The following CKAP2L variants were observed in gnomAD, a reference collection of about 807,000 sequenced individuals.
The protein encoded by CKAP2L is cytoskeleton-associated protein 2-like.
Under a neutral mutation model 65.7 loss-of-function variants are expected in CKAP2L, and 42 were observed. The observed-to-expected ratio is 0.64, with a 90% CI of 0.50 to 0.83. The LOEUF is 0.83. CKAP2L is among the 40% of genes least tolerant of loss of function. CKAP2L has a pLI of 0.00. For synonymous variants in CKAP2L, 325 were observed against 313.5 expected, an observed-to-expected ratio of 1.04 and a Z score of -0.39; for missense variants, 908 against 871.0, an observed-to-expected ratio of 1.04 and a Z score of -0.53.
intron 4 of CKAP2L, 43 bp downstream of exon 4, chr2:112,755,934 T>A (rs772563617): frequency 2.8e-5 from 42 of 1,514,072 alleles, no homozygotes; most frequent in Non-Finnish European, 5.3e-6. Flanking sequence ...TCAATTTGCC[T>A]AATCATCTTA....
At chr2:112,761,128 C>T (rs779922083) in intron 2 of CKAP2L, among the ~76,000 whole-genome samples, 2 of 151,974 alleles carry the variant, frequency 1.3e-5, no homozygotes, top group South Asian at 4.1e-4. Flanking sequence ...TGCCAGACAC[C>T]GAAGACACAA....
chr2:112,756,416 GTA>G lies in CKAP2L; in HGVS notation c.953_954del (p.Ile318ThrfsTer7). ...CTCTGTTCAGTAACAGGGTATGACC[GTA>G]TCTTAGTTTCATTTGGTCTTTCATA... ...SQYERPNETKIRSYPVTEQRV... is the reference protein window; with the variant it reads ...SQYERPNETKXRSYPVTEQRV... On this transcript the variant is annotated frameshift_variant, in exon 4 of 9. Transcript: ENST00000302450. LOFTEE classifies it high-confidence loss of function. 6.2e-7 allele frequency: 1 copy of G among 1,613,856 alleles called. No individual in the cohort carries two copies. Among genetic ancestry groups the G allele is most frequent in the Non-Finnish European group, 8.5e-7 (1 of 1,179,878 alleles).
chr2:112,764,450 TAGGC>T (rs917701535), intron 1 of CKAP2L, 108 bp downstream of exon 1: 20 of 1,213,388 alleles, frequency 1.6e-5, no homozygotes, highest in African/African-American at 4.5e-5. Context: ...AGGGGAAACT[TAGGC>T]AGGCGAGCGG....
Position 112,746,484 on chromosome 2 carries a change from A to T in CKAP2L, c.1694T>A (p.Leu565Ter). 2 of 1,613,430 alleles carry T rather than the reference A, an allele frequency of 1.2e-6. No homozygotes were observed. The highest frequency in any genetic ancestry group is 1.7e-6 in the Non-Finnish European group (2 of 1,179,484). The part of the protein sequence containing the change: ...AKFWICKAKL[L>*]ASKGTFDVIG... The stretch of plus-strand genomic sequence containing the variant: ...AACATCAAAGGTGCCTTTACTTGCC[A>T]ACAACTTTGCTTTGCAGATCCAGAA... Residue 565 changes from leucine to a stop codon, truncating the protein, a stop_gained, in exon 6 of 9, where the codon TTG becomes TAG. Transcript: ENST00000302450. LOFTEE classifies it high-confidence loss of function.
At position 112,757,261 on chromosome 2, in the gene CKAP2L, T is replaced by C. The variant is rs758410084; in HGVS notation, c.157-47A>G. On this transcript the variant is annotated intron_variant, in intron 3 of 8. Coordinates refer to ENST00000302450, the MANE Select transcript of CKAP2L (RefSeq NM_152515.5). ...ATATTAAAAAATCCTTAACATATCT[T>C]ATTGTTTTTAAAATAATAACTGTGT... is the stretch of plus-strand genomic sequence containing the variant. 16 of 1,287,944 alleles carry C rather than the reference T, an allele frequency of 1.2e-5. No individual in the cohort carries two copies. The East Asian group carries it at 3.8e-4, about 30-fold the overall frequency. The allele number at this position is 1,287,944 out of a possible 1,614,324, so 79.8% of individuals were successfully genotyped here.
chr2:112,742,850 A>C, intron 6 of CKAP2L, 81 bp from the exon 7 acceptor site: 1 of 862,482 alleles, frequency 1.2e-6, no homozygotes, highest in African/African-American at 1.7e-5. Context: ...CTTCAAATAC[A>C]TGTTTTATAA....
intron 3 of CKAP2L, 53 bp downstream of exon 3, chr2:112,760,660 T>A (rs1040617027): frequency 1.2e-6 from 1 of 853,676 alleles, no homozygotes; most frequent in Non-Finnish European, 1.9e-6. Flanking sequence ...ATTATTTTTA[T>A]TACTAATCAT....
rs143475475 is a variant in CKAP2L, at chr2:112,762,619, A to C, written c.38-50T>G. On this transcript the variant is annotated intron_variant, in intron 1 of 8. Transcript: ENST00000302450. ...CGACATAACTTTAGTTCAAGATTTTAACCAGTTCATTAATATTCTAAAAGA... is the reference window on the plus strand; with the variant it reads ...CGACATAACTTTAGTTCAAGATTTTCACCAGTTCATTAATATTCTAAAAGA... 555 of 1,437,810 alleles carry C rather than the reference A, an allele frequency of 3.9e-4. 3 individuals are homozygous for C. In the African/African-American group the frequency reaches 7.2e-3, roughly 19 times the overall value. The allele number at this position is 1,437,810 out of a possible 1,614,324, so 89.1% of individuals were successfully genotyped here.
chr2:112,758,180 T>C (rs564311906), intron 3 of CKAP2L, among the ~76,000 whole-genome samples: 1 of 152,330 alleles, frequency 6.6e-6, no homozygotes, highest in African/African-American at 2.4e-5. Flanking sequence ...GTCATGTGAT[T>C]TAAGTTTGGA....
intron 4 of CKAP2L, among the ~76,000 whole-genome samples, chr2:112,753,526 C>CTT (rs59027525): frequency 0.36 from 35,419 of 99,688 alleles, 5,425 homozygotes; most frequent in South Asian, 0.47. Context: ...AGTTTCTTTT[C>CTT]TTTTTTTTTT....
chr2:112,737,953 TC>T lies in CKAP2L; in HGVS notation c.*869del, dbSNP rs1198675236. ...ATTTAAAATGTGTTGACTAGGTTTTTCTACACAATTATATTTACATAATGAC... is the reference window on the plus strand; with the variant it reads ...ATTTAAAATGTGTTGACTAGGTTTTTTACACAATTATATTTACATAATGAC... On this transcript the variant is annotated 3_prime_UTR_variant, in exon 9 of 9. Coordinates refer to ENST00000302450, the MANE Select transcript of CKAP2L (RefSeq NM_152515.5). 6.6e-6 allele frequency: 1 copy of T among 151,458 alleles called. No individual in the cohort carries two copies. Among genetic ancestry groups the T allele is most frequent in the African/African-American group, 2.5e-5 (1 of 40,698 alleles). The allele number at this position is 151,458 out of a possible 1,614,324, so 9.4% of individuals were successfully genotyped here.
At chr2:112,750,391 G>C (rs1192742303) in intron 5 of CKAP2L, among the ~76,000 whole-genome samples, 2 of 152,326 alleles carry the variant, frequency 1.3e-5, no homozygotes, top group South Asian at 2.1e-4. Flanking sequence ...GTCCGCCCGA[G>C]GCAGCCATGA....
chr2:112,739,939 C>T (rs1416684719), intron 8 of CKAP2L, among the ~76,000 whole-genome samples: 1 of 152,116 alleles, frequency 6.6e-6, no homozygotes, highest in African/African-American at 2.4e-5. Context: ...CAGGCATGAG[C>T]CACCATGTGC....
chr2:112,749,970 T>C (rs996984008), intron 5 of CKAP2L, among the ~76,000 whole-genome samples: 1 of 151,984 alleles, frequency 6.6e-6, no homozygotes, highest in Non-Finnish European at 1.5e-5. Flanking sequence ...CATCTTTTTT[T>C]CCCCCTCAGA....
intron 8 of CKAP2L, among the ~76,000 whole-genome samples, 166 bp downstream of exon 8, chr2:112,740,652 G>A (rs1254177599): frequency 2.0e-5 from 3 of 152,110 alleles, no homozygotes; most frequent in Non-Finnish European, 4.4e-5. Context: ...AAAGGTAGGC[G>A]AGACCATAGG....
At chr2:112,741,068 TC>T in intron 7 of CKAP2L, 61 bp from the exon 8 acceptor site, 8 of 1,106,538 alleles carry the variant, frequency 7.2e-6, no homozygotes, top group African/African-American at 1.5e-5. Context: ...CAACTAGAAG[TC>T]AATAACATGA....
chr2:112,764,104 A>C (rs1310805580), intron 1 of CKAP2L: 1 of 193,384 alleles, frequency 5.2e-6, no homozygotes, highest in Non-Finnish European at 1.1e-5. Context: ...TAACCACCGC[A>C]GGCTGAGAGG....
At position 112,756,366 on chromosome 2, in the gene CKAP2L, T is replaced by C; in HGVS notation, c.1005A>G (p.Thr335=). The part of the protein sequence containing the change: ...EQRVKHTKPR[T]YPSLLQGEYN... The stretch of plus-strand genomic sequence containing the variant: ...ATTCACCCTGAAGCAAACTGGGGTA[T>C]GTTCTGGGTTTGGTGTGCTTCACTC... Residue 335 remains threonine (T), a synonymous_variant, in exon 4 of 9, where the codon ACA becomes ACG. Coordinates refer to ENST00000302450, the MANE Select transcript of CKAP2L (RefSeq NM_152515.5). 6.2e-7 allele frequency: 1 copy of C among 1,613,750 alleles called. No homozygotes were observed. Among genetic ancestry groups the C allele is most frequent in the African/African-American group, 1.3e-5 (1 of 75,028 alleles).
chr2:112,763,060 A>G (rs1322431780), intron 1 of CKAP2L, among the ~76,000 whole-genome samples: 1 of 152,194 alleles, frequency 6.6e-6, no homozygotes, highest in African/African-American at 2.4e-5. Context: ...TGCTAGGATT[A>G]CAGGCGTAAG....
Sources: gnomAD v4.1 joint callset for allele counts (sites outside exome capture counted in the v4.1 genomes callset) on GRCh38, gnomAD v4.1.1 for gene constraint, MANE v1.5 for transcripts, NCBI Gene and HGNC (gene_info 2026-07-23, HGNC 2026-07-21) for gene names.